Variants in AKAP13 observed in about 807,000 individuals in gnomAD.
The protein encoded by AKAP13 is A-kinase anchoring protein 13.
In AKAP13, 80 loss-of-function variants were observed where a neutral mutation model predicts 264.5. That is an observed-to-expected ratio of 0.30 (90% confidence interval 0.25 to 0.36). The LOEUF is 0.36. Ranked by LOEUF, AKAP13 falls within the 10% of genes least tolerant of loss-of-function variation. AKAP13 has a pLI of 1.00. For missense variants in AKAP13, 3,712 were observed against 3,435.2 expected (o/e 1.08, Z -2.01); for synonymous variants, 1,380 against 1,250.2 (o/e 1.10, Z -2.19).
chr15:85,706,774 G>A (rs2086291697), intron 17 of AKAP13, among the ~76,000 whole-genome samples: 1 of 152,190 alleles, frequency 6.6e-6, no homozygotes, highest in African/African-American at 2.4e-5. Flanking sequence ...CTGCCCCAGA[G>A]AGGGGATAGA....
At chr15:85,623,415 C>T (rs1190490594) in intron 8 of AKAP13, among the ~76,000 whole-genome samples, 1 of 152,192 alleles carries the variant, frequency 6.6e-6, no homozygotes, top group Non-Finnish European at 1.5e-5. Flanking sequence ...CAACTCCAAT[C>T]CCTCCCATTG....
intron 2 of AKAP13, among the ~76,000 whole-genome samples, chr15:85,519,255 C>T (rs2076723035): frequency 6.6e-6 from 1 of 152,084 alleles, no homozygotes; most frequent in Admixed American, 6.6e-5. Flanking sequence ...TATTTATTGA[C>T]AGTGAAATTT....
Position 85,579,421 on chromosome 15 carries a change from C to T in AKAP13, c.1353C>T (p.Val451=). The T allele has an allele frequency of 6.2e-7, 1 of 1,614,140 alleles. No individual in the cohort carries two copies. Among genetic ancestry groups the T allele is most frequent in the African/African-American group, 1.3e-5 (1 of 75,036 alleles). ...SGDAVLQRDL[V]MEPGTAQYSS... is the part of the protein sequence containing the mutation. ...ATGCTGTGCTTCAGAGAGACTTGGT[C>T]ATGGAGCCAGGCACAGCCCAGTATT... Residue 451 remains valine (V), a synonymous_variant, in exon 7 of 37, where the codon GTC becomes GTT. Coordinates refer to ENST00000394518, the MANE Select transcript of AKAP13 (RefSeq NM_007200.5).
At chr15:85,690,826 A>G (rs1457623095) in intron 16 of AKAP13, among the ~76,000 whole-genome samples, 1 of 152,228 alleles carries the variant, frequency 6.6e-6, no homozygotes, top group Non-Finnish European at 1.5e-5. Flanking sequence ...CTGAATCTTA[A>G]TTTCAGCTTG....
At chr15:85,383,773 A>C (rs1279240203) in intron 1 of AKAP13, among the ~76,000 whole-genome samples, 1 of 152,230 alleles carries the variant, frequency 6.6e-6, no homozygotes, top group Non-Finnish European at 1.5e-5. Context: ...TGTTTTCAGT[A>C]CATCAGTCAT....
intron 5 of AKAP13, among the ~76,000 whole-genome samples, chr15:85,545,615 G>A (rs954719303): frequency 2.0e-5 from 3 of 152,204 alleles, no homozygotes; most frequent in African/African-American, 7.2e-5. Flanking sequence ...GCACCTTGCT[G>A]CAGATCTAGC....
chr15:85,519,172 T>C (rs2076718557), intron 2 of AKAP13, among the ~76,000 whole-genome samples: 1 of 152,214 alleles, frequency 6.6e-6, no homozygotes, highest in African/African-American at 2.4e-5. Flanking sequence ...ATCATTACCT[T>C]TTATGGCCCA....
intron 1 of AKAP13, among the ~76,000 whole-genome samples, chr15:85,404,620 G>A (rs968803988): frequency 1.3e-5 from 2 of 152,172 alleles, no homozygotes; most frequent in South Asian, 4.1e-4. Flanking sequence ...CTCACAGTTG[G>A]TTATAAGCTG....
chr15:85,528,462 A>G (rs541159087), intron 3 of AKAP13, among the ~76,000 whole-genome samples: 1 of 152,330 alleles, frequency 6.6e-6, no homozygotes, highest in South Asian at 2.1e-4. Context: ...AATAGCTAAT[A>G]ATAAAAACTA....
At chr15:85,447,437 C>T (rs2073940407) in intron 1 of AKAP13, among the ~76,000 whole-genome samples, 1 of 151,986 alleles carries the variant, frequency 6.6e-6, no homozygotes, top group African/African-American at 2.4e-5. Flanking sequence ...AAACACATGT[C>T]ACGGGTGTTT....
At chr15:85,711,615 C>G (rs2086637823) in intron 19 of AKAP13, among the ~76,000 whole-genome samples, 1 of 152,070 alleles carries the variant, frequency 6.6e-6, no homozygotes, top group African/African-American at 2.4e-5. Flanking sequence ...TTAAAGTTCC[C>G]CTAGAGACAG....
chr15:85,420,544 T>A (rs1839871034), intron 1 of AKAP13, among the ~76,000 whole-genome samples: 1 of 152,124 alleles, frequency 6.6e-6, no homozygotes, highest in South Asian at 2.1e-4. Context: ...AGACAAATAC[T>A]CATTGAAAGT....
At chr15:85,652,278 G>A (rs903621636) in intron 10 of AKAP13, among the ~76,000 whole-genome samples, 4 of 151,254 alleles carry the variant, frequency 2.6e-5, no homozygotes, top group South Asian at 2.1e-4. Context: ...CTTCAGATTC[G>A]TTAAGTGCCA....
chr15:85,415,617 T>C (rs1461361579), intron 1 of AKAP13: 18 of 1,425,362 alleles, frequency 1.3e-5, no homozygotes, highest in Non-Finnish European at 1.8e-5. Context: ...TACTCGGATC[T>C]ATGAAAAAGT....
chr15:85,716,339 T>A (rs991547281), intron 20 of AKAP13, among the ~76,000 whole-genome samples: 1 of 152,218 alleles, frequency 6.6e-6, no homozygotes, highest in Non-Finnish European at 1.5e-5. Context: ...TACCTCTGTT[T>A]TACATCTTTG....
intron 4 of AKAP13, among the ~76,000 whole-genome samples, chr15:85,538,451 G>T (rs1487150856): frequency 6.6e-6 from 1 of 151,112 alleles, no homozygotes; most frequent in East Asian, 1.9e-4. Context: ...TGATGATTCA[G>T]TTCCCACCTC....
chr15:85,454,257 G>A (rs1200075644), intron 1 of AKAP13, among the ~76,000 whole-genome samples: 5 of 152,160 alleles, frequency 3.3e-5, no homozygotes, highest in African/African-American at 9.7e-5. Context: ...GGGTCTTCAC[G>A]CATGCCAAGA....
At chr15:85,420,228 A>G (rs1479120999) in intron 1 of AKAP13, among the ~76,000 whole-genome samples, 1 of 150,106 alleles carries the variant, frequency 6.7e-6, no homozygotes, top group Non-Finnish European at 1.5e-5. Flanking sequence ...GGCGTGAGCC[A>G]CCGCGCCCGG....
In AKAP13 at chr15:85,682,008, TCTTTCAAA is replaced by T. The variant is rs1178370370; in HGVS notation, c.5102-148_5102-141del. 3 of 686,012 alleles carry T rather than the reference TCTTTCAAA, an allele frequency of 4.4e-6. No individual in the cohort carries two copies. The African/African-American group carries it at 5.5e-5, about 13-fold the overall frequency. 42.5% of individuals were successfully genotyped at this position (686,012 alleles called of 1,614,324 possible). A position where few individuals can be genotyped will look rare whatever the true frequency, so the allele number is the denominator to read the frequency against. On this transcript the variant is annotated intron_variant, in intron 14 of 36. Coordinates refer to ENST00000394518, the MANE Select transcript of AKAP13 (RefSeq NM_007200.5). Reference sequence around the variant, plus strand: ...GAGGGTTTCAAGTTTAATTTTTCCTTCTTTCAAACCTTTAGAAGGAGGAGGTACCATGT... The same window carrying T: ...GAGGGTTTCAAGTTTAATTTTTCCTTCCTTTAGAAGGAGGAGGTACCATGT...
Sources: allele counts gnomAD v4.1 joint callset (sites outside exome capture counted in the v4.1 genomes callset), GRCh38; gene constraint gnomAD v4.1.1; transcripts MANE v1.5; gene names NCBI Gene and HGNC (gene_info 2026-07-23, HGNC 2026-07-21).